ACOT12: variants seen among roughly 807,000 people sequenced by gnomAD.
ACOT12 encodes the protein acyl-CoA thioesterase 12.
A neutral mutation model predicts 67.7 loss-of-function variants in ACOT12; 51 were observed. The observed-to-expected ratio is 0.75, with a 90% CI of 0.60 to 0.95. The LOEUF is 0.95. ACOT12 is among the 40% of genes least tolerant of loss of function. The pLI is 0.00. For missense variants in ACOT12, 734 were observed against 708.1 expected, an observed-to-expected ratio of 1.04 and a Z score of -0.41; for synonymous variants, 251 against 244.6, an observed-to-expected ratio of 1.03 and a Z score of -0.24.
chr5:81,346,183 C>A (rs1347386596), intron 6 of ACOT12, among the ~76,000 whole-genome samples, 179 bp from the exon 7 acceptor site: 1 of 152,174 alleles, frequency 6.6e-6, no homozygotes, highest in Non-Finnish European at 1.5e-5. Context: ...AATACCATGT[C>A]CCCGAGCAGT....
At chr5:81,316,165 A>G in the ACOT12 span, among the ~76,000 whole-genome samples, 6 of 152,206 alleles carry the variant, frequency 3.9e-5, 1 homozygote, top group South Asian at 1.2e-3. Flanking sequence ...ATTGAGATAT[A>G]ATTCACATAC....
chr5:81,359,802 C>T, intron 5 of ACOT12, 101 bp downstream of exon 5: 1 of 1,306,260 alleles, frequency 7.7e-7, no homozygotes, highest in Non-Finnish European at 1.0e-6. Flanking sequence ...GTCACCAGGA[C>T]TGAATGGTAA....
At chr5:81,388,044 T>C (rs904431028) in intron 1 of ACOT12, among the ~76,000 whole-genome samples, 2 of 152,182 alleles carry the variant, frequency 1.3e-5, no homozygotes, top group African/African-American at 4.8e-5. Context: ...GGACTAGTCA[T>C]TTAAGCATGT....
intron 2 of ACOT12, among the ~76,000 whole-genome samples, chr5:81,378,825 A>G (rs1430467117): frequency 6.6e-6 from 1 of 152,236 alleles, no homozygotes; most frequent in African/African-American, 2.4e-5. Flanking sequence ...TTAAAAAGTC[A>G]GGAAACAACA....
chr5:81,342,623 T>G (rs767865900), intron 11 of ACOT12, 49 bp downstream of exon 11: 3 of 1,580,324 alleles, frequency 1.9e-6, no homozygotes, highest in Non-Finnish European at 2.6e-6. Context: ...CACCACAGCT[T>G]TCGTTTGTGA....
At chr5:81,375,299 A>T (rs756595529) in intron 2 of ACOT12, among the ~76,000 whole-genome samples, 1 of 152,120 alleles carries the variant, frequency 6.6e-6, no homozygotes, top group African/African-American at 2.4e-5. Flanking sequence ...GCTGAGAGAC[A>T]CTGTCACCCC....
chr5:81,336,801 C>G (rs555213074), intron 11 of ACOT12, among the ~76,000 whole-genome samples: 2 of 152,162 alleles, frequency 1.3e-5, no homozygotes, highest in East Asian at 1.9e-4. Context: ...CTGCAGGAAT[C>G]AAGCAGATGG....
At chr5:81,336,290 A>G (rs1216747055) in intron 11 of ACOT12, among the ~76,000 whole-genome samples, 1 of 152,172 alleles carries the variant, frequency 6.6e-6, no homozygotes, top group African/African-American at 2.4e-5. Flanking sequence ...ATCTCCCTCA[A>G]AAGAGCAGAG....
intron 11 of ACOT12, among the ~76,000 whole-genome samples, 185 bp from the exon 12 acceptor site, chr5:81,336,086 G>A (rs1758992755): frequency 6.6e-6 from 1 of 152,140 alleles, no homozygotes; most frequent in Admixed American, 6.5e-5. Flanking sequence ...TGTCCAGGAT[G>A]CTGTAGTCTC....
intron 2 of ACOT12, among the ~76,000 whole-genome samples, chr5:81,379,204 G>A (rs1209212376): frequency 3.3e-5 from 5 of 151,756 alleles, no homozygotes; most frequent in Non-Finnish European, 5.9e-5. Flanking sequence ...GCTGGAAACC[G>A]TCATTCTCAG....
intron 2 of ACOT12, among the ~76,000 whole-genome samples, chr5:81,380,280 A>G (rs763778622): frequency 7.9e-5 from 12 of 151,960 alleles, no homozygotes; most frequent in Non-Finnish European, 1.5e-4. Context: ...CTATCCCACA[A>G]AGGCCAGGCA....
In ACOT12 at chr5:81,347,757, A is replaced by C. The variant is rs752614137; in HGVS notation, c.653+17T>G. ...CACTGGTCCCAAAATCATAGGCCGA[A>C]GGTCAAAACCAAGAACCTTGCAGAA... On this transcript the variant is annotated intron_variant, in intron 6 of 14. Coordinates refer to ENST00000307624, the MANE Select transcript of ACOT12 (RefSeq NM_130767.3). 6 of 1,611,504 alleles carry C rather than the reference A, an allele frequency of 3.7e-6. No homozygotes were observed. The highest frequency in any genetic ancestry group is 1.1e-5 in the South Asian group (1 of 90,618).
chr5:81,392,750 TA>T (rs34394766), intron 1 of ACOT12, among the ~76,000 whole-genome samples: 28,058 of 147,630 alleles, frequency 0.19, 2,987 homozygotes, highest in African/African-American at 0.3. Flanking sequence ...CAAATCCTGT[TA>T]AAAAAAAAAA....
the ACOT12 span, among the ~76,000 whole-genome samples, chr5:81,320,989 C>G: frequency 6.6e-6 from 1 of 152,044 alleles, no homozygotes; most frequent in Non-Finnish European, 1.5e-5. Context: ...GGCAAGATGG[C>G]TCACGTCTGT....
At chr5:81,380,519 G>C (rs539786936) in intron 2 of ACOT12, among the ~76,000 whole-genome samples, 12 of 122,124 alleles carry the variant, frequency 9.8e-5, no homozygotes, top group African/African-American at 5.3e-4. Flanking sequence ...AGCCGAGATC[G>C]TGCCATTGCA....
chr5:81,353,366 ACT>A (rs2153852164), intron 5 of ACOT12, among the ~76,000 whole-genome samples: 1 of 152,150 alleles, frequency 6.6e-6, no homozygotes, highest in East Asian at 1.9e-4. Flanking sequence ...AGTAAACAGA[ACT>A]CACCCTTTCT....
Position 81,342,689 on chromosome 5 carries a change from T to C in ACOT12, c.1111A>G (p.Thr371Ala), listed in dbSNP as rs1452145842. The C allele has an allele frequency of 6.2e-7, 1 of 1,614,072 alleles. No individual in the cohort carries two copies. The highest frequency in any genetic ancestry group is 1.3e-5 in the African/African-American group (1 of 74,932). Reference sequence around the variant, plus strand: ...TGTCCTACCTTTTCCACAGTGCTGGTAACCTCCCAACCCCTTTTGGCTGCC... The same window carrying C: ...TGTCCTACCTTTTCCACAGTGCTGGCAACCTCCCAACCCCTTTTGGCTGCC... ...KLAAKRGWEV[T>A]STVEKIKIYT... Residue 371 changes from threonine to alanine, a missense_variant, in exon 11 of 15, where the codon ACC becomes GCC. Coordinates refer to ENST00000307624, the MANE Select transcript of ACOT12 (RefSeq NM_130767.3).
intron 1 of ACOT12, among the ~76,000 whole-genome samples, chr5:81,386,283 G>A (rs531587743): frequency 5.9e-5 from 9 of 152,272 alleles, no homozygotes; most frequent in Non-Finnish European, 1.3e-4. Flanking sequence ...GGGAAACCCC[G>A]AGTCATCCCA....
In ACOT12 at chr5:81,346,744, T is replaced by C. The variant is rs182323062; in HGVS notation, c.654-740A>G. Among the ~76,000 whole-genome samples, 135 of 152,330 alleles carry C rather than the reference T, an allele frequency of 8.9e-4. 1 individual carries two copies. In the Middle Eastern group the frequency reaches 0.01, roughly 12 times the overall value. On this transcript the variant is annotated intron_variant, in intron 6 of 14. Transcript: ENST00000307624. ...CTCATTTTAAAAACAAGCTCTCTTA[T>C]TTGTGCATAATTTTTAGAAAGGATA...
Sources: allele counts gnomAD v4.1 joint callset (sites outside exome capture counted in the v4.1 genomes callset), GRCh38; gene constraint gnomAD v4.1.1; transcripts MANE v1.5; gene names NCBI Gene and HGNC (gene_info 2026-07-23, HGNC 2026-07-21).